The following MYO7B variants were observed in gnomAD, a reference collection of about 807,000 sequenced individuals.
MYO7B encodes the protein unconventional myosin-VIIb.
A neutral mutation model predicts 259.7 loss-of-function variants in MYO7B; 212 were observed. The ratio of observed to expected loss-of-function variants is 0.82; its 90% CI spans 0.73 to 0.91. MYO7B has a LOEUF of 0.91. Among genes scored for constraint, MYO7B ranks in the 40% least tolerant of loss-of-function variants. MYO7B has a pLI of 0.00. For missense variants in MYO7B, 2,732 were observed against 2,813.5 expected, an observed-to-expected ratio of 0.97 and a Z score of 0.66; for synonymous variants, 1,197 against 1,166.4, an observed-to-expected ratio of 1.03 and a Z score of -0.54.
At chr2:127,573,615 C>T (rs1678736953) in intron 6 of MYO7B, among the ~76,000 whole-genome samples, 1 of 152,210 alleles carries the variant, frequency 6.6e-6, no homozygotes, top group African/African-American at 2.4e-5. Context: ...AGGCTCTGTG[C>T]CACCTGGCCC....
rs1401146886 is a variant in MYO7B at position 127,625,513 on chromosome 2, T to C, written c.4193T>C (p.Leu1398Pro). 3.7e-6 allele frequency: 6 copies of C among 1,605,394 alleles called. 1 individual carries two copies. The highest frequency in any genetic ancestry group is 3.3e-5 in the South Asian group (3 of 90,242). Reference protein sequence around the residue: ...RTKPPDRWASLVTAACAKAPY... With the variant: ...RTKPPDRWASPVTAACAKAPY... ...AAGCCCCCAGACAGGTGGGCGAGCC[T>C]CGTCACTGCCGCCTGCGCCAAGGTC... Residue 1398 changes from leucine to proline, a missense_variant, in exon 31 of 48, where the codon CTC becomes CCC. Leu to Pro is a moderately conservative substitution (Grantham distance 98, BLOSUM62 -3). Coordinates refer to ENST00000409816, the MANE Select transcript of MYO7B (RefSeq NM_001393586.1).
In MYO7B at chr2:127,576,641, G is replaced by C. The variant is rs772785320; in HGVS notation, c.782G>C (p.Gly261Ala). 3 of 1,612,236 alleles carry C rather than the reference G, an allele frequency of 1.9e-6. No homozygotes were observed. The highest frequency in any genetic ancestry group is 2.5e-6 in the Non-Finnish European group (3 of 1,178,950). ...NYHIFYCMLM[G>A]VSAEDKQLLS... ...CATATCTTCTACTGCATGCTCATGGGGGTGAGTGCTGAGGACAAGCAGCTG... is the reference window on the plus strand; with the variant it reads ...CATATCTTCTACTGCATGCTCATGGCGGTGAGTGCTGAGGACAAGCAGCTG... The change falls in exon 8 of 48, where the codon GGG becomes GCG. Residue 261 changes from glycine to alanine, a missense_variant. Gly to Ala is a moderately conservative substitution (Grantham distance 60). Transcript: ENST00000409816. The surrounding 1 kb of genome is among the most constrained non-coding windows in gnomAD (Gnocchi z 4.9).
At chr2:127,580,861 G>T in intron 10 of MYO7B, 39 bp downstream of exon 10, 1 of 1,570,510 alleles carries the variant, frequency 6.4e-7, no homozygotes, top group Non-Finnish European at 8.7e-7. Flanking sequence ...TTTGGTGGGG[G>T]GCCTCAGAGG....
In MYO7B at chr2:127,569,877, C is replaced by T. The variant is rs746299746; in HGVS notation, c.559C>T (p.Gln187Ter). The T allele has an allele frequency of 5.0e-6, 8 of 1,613,224 alleles. No individual in the cohort carries two copies. Among genetic ancestry groups the T allele is most frequent in the Non-Finnish European group, 6.8e-6 (8 of 1,179,506 alleles). Reference sequence around the variant, plus strand: ...CAGTGGCCAGCATTCGTGGATTGAGCAGCAGGTCCTGGAAGCCAACCCCAT... The same window carrying T: ...CAGTGGCCAGCATTCGTGGATTGAGTAGCAGGTCCTGGAAGCCAACCCCAT... ...TISGQHSWIE[Q>*]QVLEANPILE... The change falls in exon 6 of 48, where the codon CAG (glutamine) becomes TAG (stop). Residue 187 changes from glutamine (Q) to a stop codon, truncating the protein, a stop_gained. Coordinates refer to ENST00000409816, the MANE Select transcript of MYO7B (RefSeq NM_001393586.1). LOFTEE classifies it high-confidence loss of function.
chr2:127,626,848 C>G, intron 31 of MYO7B, 127 bp from the exon 32 acceptor site: 6 of 843,576 alleles, frequency 7.1e-6, no homozygotes, highest in Non-Finnish European at 1.1e-5. Flanking sequence ...CTACAGGATC[C>G]ATCTCCAGAC....
intron 26 of MYO7B, among the ~76,000 whole-genome samples, chr2:127,617,353 C>CA (rs1048969063): frequency 6.6e-6 from 1 of 151,960 alleles, no homozygotes; most frequent in African/African-American, 2.4e-5. Flanking sequence ...AAACTCCAAA[C>CA]AAAAAAGAGA....
At chr2:127,629,987 G>T (rs1033749615) in intron 35 of MYO7B, among the ~76,000 whole-genome samples, 161 bp downstream of exon 35, 2 of 152,242 alleles carry the variant, frequency 1.3e-5, no homozygotes, top group Non-Finnish European at 2.9e-5. Context: ...GGCAAGGTGT[G>T]TGTGCAGTGC....
At chr2:127,593,003 T>G (rs1573666402) in intron 17 of MYO7B, 57 bp downstream of exon 17, 3 of 1,544,952 alleles carry the variant, frequency 1.9e-6, no homozygotes, top group South Asian at 1.2e-5. Flanking sequence ...CCCTCGGCCT[T>G]GGCACCTCCA....
chr2:127,564,656 G>C (rs1260954953), intron 3 of MYO7B, among the ~76,000 whole-genome samples: 1 of 152,124 alleles, frequency 6.6e-6, no homozygotes, highest in African/African-American at 2.4e-5. Context: ...AGGGGTCAGG[G>C]CCAGCTAGGT....
At chr2:127,547,013 T>G (rs764510084) in intron 1 of MYO7B, among the ~76,000 whole-genome samples, 53 of 151,982 alleles carry the variant, frequency 3.5e-4, no homozygotes, top group Non-Finnish European at 6.5e-4. Flanking sequence ...TCCATCCACT[T>G]ACACATCCAT....
At chr2:127,601,657 C>T (rs1679966858) in intron 19 of MYO7B, among the ~76,000 whole-genome samples, 1 of 152,098 alleles carries the variant, frequency 6.6e-6, no homozygotes, top group Non-Finnish European at 1.5e-5. Flanking sequence ...CTATATTTTT[C>T]ATCCTTTTAC....
rs1476011157 is a variant in MYO7B, at chr2:127,580,917, A to T, written c.1080+95A>T. 3 of 1,230,144 alleles carry T rather than the reference A, an allele frequency of 2.4e-6. No individual in the cohort carries two copies. The Admixed American group carries it at 6.0e-5, about 25-fold the overall frequency. The allele number at this position is 1,230,144 out of a possible 1,614,324, so 76.2% of individuals were successfully genotyped here. On this transcript the variant is annotated intron_variant, in intron 10 of 47. Transcript: ENST00000409816. ...ACACCTGATTCTTATAACCCTACCC[A>T]GGCCCCCACCCCTTTCCCAGGGCCT...
intron 7 of MYO7B, among the ~76,000 whole-genome samples, chr2:127,574,640 A>G (rs1474764501): frequency 6.6e-6 from 1 of 152,192 alleles, no homozygotes; most frequent in Non-Finnish European, 1.5e-5. Context: ...TTCTGAGACT[A>G]GGCTAGTTGG....
rs1234171770 is a variant in MYO7B, at chr2:127,561,270, A to AT, written c.18+1543dup. 7.3e-4 allele frequency among the ~76,000 whole-genome samples: 106 copies of AT among 144,788 alleles called. 1 individual carries two copies. The South Asian group carries it at 8.2e-3, about 11-fold the overall frequency. The allele number at this position is 144,788 out of a possible 152,430, so 95.0% of individuals were successfully genotyped here. A position where few individuals can be genotyped will look rare whatever the true frequency, so the allele number is the denominator to read the frequency against. On this transcript the variant is annotated intron_variant, in intron 2 of 47. Transcript: ENST00000409816. ...ATTGTAAGTCTTTGAGAGGAGAGTAATTTTTTTTTTTTTAGACAGAGTCTT... is the reference window on the plus strand; with the variant it reads ...ATTGTAAGTCTTTGAGAGGAGAGTAATTTTTTTTTTTTTTAGACAGAGTCTT...
chr2:127,544,660 A>G (rs1205033170), intron 1 of MYO7B, among the ~76,000 whole-genome samples: 1 of 146,468 alleles, frequency 6.8e-6, no homozygotes, highest in Non-Finnish European at 1.5e-5. Context: ...GGCTCACTGC[A>G]AGCTCCGCCT....
At chr2:127,604,538 C>T (rs76725845) in intron 19 of MYO7B, among the ~76,000 whole-genome samples, 5 of 152,174 alleles carry the variant, frequency 3.3e-5, no homozygotes, top group Non-Finnish European at 4.4e-5. Context: ...ACTTTTCGTT[C>T]GTATTCACAA....
In MYO7B at chr2:127,564,752, GGCTTAGCCTCCAA is replaced by G. The variant is rs145840000; in HGVS notation, c.133-479_133-467del. 3.8e-3 allele frequency among the ~76,000 whole-genome samples: 584 copies of G among 152,330 alleles called. 3 individuals carry two copies. Among genetic ancestry groups the G allele is most frequent in the African/African-American group, 0.013 (551 of 41,568 alleles). On this transcript the variant is annotated intron_variant, in intron 3 of 47. Coordinates refer to ENST00000409816, the MANE Select transcript of MYO7B (RefSeq NM_001393586.1). Reference sequence around the variant, plus strand: ...CCTCTGTGCTCAGCTGGGTGCTGCAGGCTTAGCCTCCAAGGAGAAGTTTCTAGGCTGTGGCCTG... The same window carrying G: ...CCTCTGTGCTCAGCTGGGTGCTGCAGGGAGAAGTTTCTAGGCTGTGGCCTG...
rs1055165240 is a variant in MYO7B, at chr2:127,627,404, G to A, written c.4460+94G>A. On this transcript the variant is annotated intron_variant, in intron 33 of 47. Coordinates refer to ENST00000409816, the MANE Select transcript of MYO7B (RefSeq NM_001393586.1). This position sits in a 1 kb window ranked among gnomAD's most constrained non-coding sequence, Gnocchi z 5.6. The stretch of plus-strand genomic sequence containing the variant: ...GAGATGGGGAGAGGGGCAGTGTGCC[G>A]TCCCGGGTAACAGGCCGGGGTGGAG... 31 of 1,522,606 alleles carry A rather than the reference G, an allele frequency of 2.0e-5. No individual in the cohort carries two copies. Among genetic ancestry groups the A allele is most frequent in the Middle Eastern group, 3.4e-4 (2 of 5,900 alleles). 94.3% of individuals were successfully genotyped at this position (1,522,606 alleles called of 1,614,324 possible).
At chr2:127,605,604 CA>C (rs1394403629) in intron 19 of MYO7B, among the ~76,000 whole-genome samples, 1 of 152,018 alleles carries the variant, frequency 6.6e-6, no homozygotes, top group Non-Finnish European at 1.5e-5. Context: ...TCTAAAAAAA[CA>C]AAAAACAAAA....
Sources: gnomAD v4.1 joint callset for allele counts (sites outside exome capture counted in the v4.1 genomes callset) on GRCh38, gnomAD v4.1.1 for gene constraint, Gnocchi (gnomAD v3.1) non-coding constraint, MANE v1.5 for transcripts, NCBI Gene and HGNC (gene_info 2026-07-23, HGNC 2026-07-21) for gene names.